The following PTPRN2 variants were observed in gnomAD, a reference collection of about 807,000 sequenced individuals.
PTPRN2 encodes protein tyrosine phosphatase receptor type N2, also known as receptor-type tyrosine-protein phosphatase N2.
PTPRN2 carries 74 observed loss-of-function variants against 118.8 expected under a neutral mutation model. The observed-to-expected ratio is 0.62, with a 90% confidence interval of 0.52 to 0.76. The LOEUF (loss-of-function observed/expected upper bound fraction) is 0.76, where lower values mean the gene tolerates loss of function less well. Among genes scored for constraint, PTPRN2 ranks in the 30% least tolerant of loss-of-function variants. The pLI is 0.00. For synonymous variants in PTPRN2, 641 were observed against 608.0 expected (o/e 1.05, Z -0.80); for missense variants, 1,481 against 1,394.4 (o/e 1.06, Z -0.99).
intron 3 of PTPRN2, among the ~76,000 whole-genome samples, chr7:158,244,173 C>T (rs1304121912): frequency 5.3e-5 from 8 of 152,208 alleles, no homozygotes; most frequent in Admixed American, 5.2e-4. Context: ...CATGGTGGTT[C>T]CTGCTCAGCC....
chr7:157,821,680 G>A (rs971221713), intron 12 of PTPRN2, among the ~76,000 whole-genome samples: 1 of 152,196 alleles, frequency 6.6e-6, no homozygotes, highest in African/African-American at 2.4e-5. Flanking sequence ...AAGCCACTCT[G>A]AATGAGCTGG....
At chr7:158,416,334 T>A (rs1814654100) in intron 2 of PTPRN2, among the ~76,000 whole-genome samples, 1 of 152,206 alleles carries the variant, frequency 6.6e-6, no homozygotes. Context: ...AGTTTAGATA[T>A]GCACCCCCAG....
intron 10 of PTPRN2, among the ~76,000 whole-genome samples, chr7:158,105,477 C>T (rs1563441363): frequency 2.0e-5 from 3 of 151,602 alleles, no homozygotes; most frequent in South Asian, 4.2e-4. Flanking sequence ...ACCCTCATCC[C>T]AGCTCCATCC....
intron 2 of PTPRN2, among the ~76,000 whole-genome samples, chr7:158,483,136 T>G (rs1820761306): frequency 2.6e-5 from 4 of 152,220 alleles, no homozygotes. Flanking sequence ...CTTCCCTGTT[T>G]CCTGGGTCTT....
intron 2 of PTPRN2, among the ~76,000 whole-genome samples, chr7:158,454,948 T>G (rs1818361318): frequency 1.3e-5 from 2 of 152,132 alleles, no homozygotes; most frequent in Admixed American, 1.3e-4. Context: ...AATGTGTTTG[T>G]CAGGCTGCCT....
In PTPRN2 at chr7:157,617,387, C is replaced by G. The variant is rs1796230; in HGVS notation, c.2344+3975G>C. The G allele has an allele frequency of 1.6e-5, 2 of 125,692 alleles. No individual in the cohort carries two copies. The highest frequency in any genetic ancestry group is 6.2e-5 in the African/African-American group (2 of 32,248). The allele number at this position is 125,692 out of a possible 1,614,324, so 7.8% of individuals were successfully genotyped here. A position where few individuals can be genotyped will look rare whatever the true frequency, so the allele number is the denominator to read the frequency against. On this transcript the variant is annotated intron_variant, in intron 15 of 22. Coordinates refer to ENST00000389418, the MANE Select transcript of PTPRN2 (RefSeq NM_002847.5). This position sits in a 1 kb window ranked among gnomAD's most constrained non-coding sequence, Gnocchi z 7.5. Reference sequence around the variant, plus strand: ...ACGCAGCTGCAGCGCAGAGCACGGGCGACGCTGGCTCACGATGCCCCAGTG... The same window carrying G: ...ACGCAGCTGCAGCGCAGAGCACGGGGGACGCTGGCTCACGATGCCCCAGTG...
At chr7:157,962,832 A>G (rs1285294473) in intron 11 of PTPRN2, among the ~76,000 whole-genome samples, 2 of 152,212 alleles carry the variant, frequency 1.3e-5, no homozygotes, top group African/African-American at 4.8e-5. Context: ...CATGGACTAG[A>G]GGGTCATATC....
chr7:158,104,290 A>G (rs1339320559), intron 10 of PTPRN2, among the ~76,000 whole-genome samples: 1 of 152,228 alleles, frequency 6.6e-6, no homozygotes, highest in Non-Finnish European at 1.5e-5. Context: ...GGATGAAGAC[A>G]ATGGAGGTCA....
chr7:157,908,860 T>C (rs1345082100), intron 11 of PTPRN2, among the ~76,000 whole-genome samples: 1 of 151,660 alleles, frequency 6.6e-6, no homozygotes, highest in Non-Finnish European at 1.5e-5. Flanking sequence ...AAAATAGCTT[T>C]TGAAGCATAG....
At chr7:158,305,970 G>C (rs2151060218) in intron 3 of PTPRN2, among the ~76,000 whole-genome samples, 1 of 152,278 alleles carries the variant, frequency 6.6e-6, no homozygotes, top group East Asian at 1.9e-4. Flanking sequence ...GAAGCCACCA[G>C]AAAGCACAGG....
intron 11 of PTPRN2, among the ~76,000 whole-genome samples, chr7:157,921,209 G>C (rs28371007): frequency 0.19 from 29,593 of 152,134 alleles, 3,306 homozygotes; most frequent in Admixed American, 0.35. Context: ...CTCTTGCTAA[G>C]TGAAAGAAGC....
chr7:157,828,671 A>G (rs575854997), intron 12 of PTPRN2, among the ~76,000 whole-genome samples: 13 of 152,218 alleles, frequency 8.5e-5, no homozygotes, highest in Non-Finnish European at 1.5e-4. Flanking sequence ...CAAATCAAGT[A>G]TCTGTTTATG....
intron 2 of PTPRN2, among the ~76,000 whole-genome samples, chr7:158,348,702 A>G (rs1329595835): frequency 6.6e-6 from 1 of 152,190 alleles, no homozygotes; most frequent in Admixed American, 6.5e-5. Context: ...TAACCACCAC[A>G]GCACAGGACT....
chr7:157,707,157 C>T lies in PTPRN2; in HGVS notation c.1789-24220G>A, dbSNP rs150493444. 2.6e-5 allele frequency among the ~76,000 whole-genome samples: 4 copies of T among 151,562 alleles called. No homozygotes were observed. The East Asian group carries it at 7.8e-4, about 30-fold the overall frequency. ...GTGCTGTGGGTTGTCCTTTTATACA[C>T]AGCACACATACCACAAACACACACA... On this transcript the variant is annotated intron_variant, in intron 12 of 22. Coordinates refer to ENST00000389418, the MANE Select transcript of PTPRN2 (RefSeq NM_002847.5).
At chr7:158,012,997 T>C (rs1041214200) in intron 11 of PTPRN2, among the ~76,000 whole-genome samples, 7 of 152,196 alleles carry the variant, frequency 4.6e-5, no homozygotes, top group Non-Finnish European at 7.3e-5. Context: ...AGTAGAGATT[T>C]AGAAAAGTTC....
At chr7:158,440,554 G>A (rs1816920746) in intron 2 of PTPRN2, among the ~76,000 whole-genome samples, 1 of 150,856 alleles carries the variant, frequency 6.6e-6, no homozygotes, top group Admixed American at 6.6e-5. Context: ...GGTGGCAGTG[G>A]CGGCGGTGGT....
chr7:157,611,209 G>A lies in PTPRN2; in HGVS notation c.2345-7134C>T, dbSNP rs1802311821. ...GTCTCATGTCTTAAATGGTTTCACT[G>A]GCATCCCCCACAGACAGATCTCTCA... On this transcript the variant is annotated intron_variant, in intron 15 of 22. Coordinates refer to ENST00000389418, the MANE Select transcript of PTPRN2 (RefSeq NM_002847.5). This position sits in a 1 kb window ranked among gnomAD's most constrained non-coding sequence, Gnocchi z 5.9. Among the ~76,000 whole-genome samples the A allele has an allele frequency of 6.6e-6, 1 of 152,100 alleles. No individual in the cohort carries two copies. Among genetic ancestry groups the A allele is most frequent in the Non-Finnish European group, 1.5e-5 (1 of 68,028 alleles).
intron 6 of PTPRN2, among the ~76,000 whole-genome samples, chr7:158,147,816 C>G (rs1320616728): frequency 8.1e-5 from 10 of 123,000 alleles, no homozygotes; most frequent in African/African-American, 2.6e-4. Context: ...CGCCACACGT[C>G]TTTCCCCCTC....
chr7:157,922,847 A>T (rs560648289), intron 11 of PTPRN2, among the ~76,000 whole-genome samples: 1 of 152,336 alleles, frequency 6.6e-6, no homozygotes, highest in Non-Finnish European at 1.5e-5. Flanking sequence ...TCCTGAGGTC[A>T]CTCGCTTACA....
Sources: allele counts gnomAD v4.1 joint callset (sites outside exome capture counted in the v4.1 genomes callset), GRCh38; gene constraint gnomAD v4.1.1; non-coding constraint Gnocchi (gnomAD v3.1); transcripts MANE v1.5; gene names NCBI Gene and HGNC (gene_info 2026-07-23, HGNC 2026-07-21).